Variants in LDLRAD4 observed in about 807,000 individuals in gnomAD.
LDLRAD4 encodes the protein low density lipoprotein receptor class A domain containing 4, also known as low-density lipoprotein receptor class A domain-containing protein 4.
In LDLRAD4, 5 loss-of-function variants were observed where a neutral mutation model predicts 17.0. The ratio of observed to expected loss-of-function variants is 0.29; its 90% CI spans 0.15 to 0.62. LDLRAD4 has a LOEUF of 0.62. Ranked by LOEUF, LDLRAD4 falls within the 20% of genes least tolerant of loss-of-function variation. LDLRAD4 has a pLI of 0.84. For missense variants in LDLRAD4, 340 were observed against 424.7 expected (o/e 0.80, Z 1.75); for synonymous variants, 168 against 171.8 (o/e 0.98, Z 0.17).
chr18:13,589,096 TTTTA>T (rs924485888), intron 3 of LDLRAD4, among the ~76,000 whole-genome samples: 3 of 151,824 alleles, frequency 2.0e-5, no homozygotes, highest in African/African-American at 7.3e-5. Context: ...GCCCAGCTAT[TTTTA>T]TTTGTTTATT....
intron 3 of LDLRAD4, among the ~76,000 whole-genome samples, chr18:13,541,423 C>T (rs2094281133): frequency 1.3e-5 from 2 of 152,160 alleles, no homozygotes. Flanking sequence ...AGCATTTGCT[C>T]ATATATGCAA....
intron 1 of LDLRAD4, among the ~76,000 whole-genome samples, chr18:13,336,154 G>A: frequency 6.6e-6 from 1 of 152,190 alleles, no homozygotes; most frequent in Non-Finnish European, 1.5e-5. Flanking sequence ...AACAGAGTGA[G>A]AACTCACTCA....
intron 3 of LDLRAD4, among the ~76,000 whole-genome samples, chr18:13,464,033 C>A (rs1206764633): frequency 6.6e-6 from 1 of 152,164 alleles, no homozygotes; most frequent in Non-Finnish European, 1.5e-5. Flanking sequence ...GCCCCATTTC[C>A]CTACCTAATG....
intron 3 of LDLRAD4, chr18:13,490,784 T>C (rs951843400): frequency 2.6e-5 from 4 of 152,208 alleles, no homozygotes; most frequent in African/African-American, 9.6e-5. Context: ...GCATGCAGCA[T>C]GGCCCATTCT....
chr18:13,534,799 T>C (rs1339144445), intron 3 of LDLRAD4, among the ~76,000 whole-genome samples: 6 of 152,192 alleles, frequency 3.9e-5, no homozygotes, highest in African/African-American at 1.4e-4. Flanking sequence ...CAGTCTTATC[T>C]CCCTGAAAAG....
At chr18:13,325,384 C>A (rs1049271124) in intron 1 of LDLRAD4, among the ~76,000 whole-genome samples, 2 of 152,192 alleles carry the variant, frequency 1.3e-5, no homozygotes. Context: ...GCAGAGTGCA[C>A]TAAGCCTTTG....
intron 3 of LDLRAD4, among the ~76,000 whole-genome samples, chr18:13,446,733 T>G (rs973755053): frequency 2.0e-5 from 3 of 152,216 alleles, no homozygotes; most frequent in Admixed American, 6.5e-5. Flanking sequence ...GGGGCGGCTC[T>G]GTTTCTGCCA....
intron 3 of LDLRAD4, chr18:13,614,796 T>C (rs1161824294): frequency 6.6e-6 from 1 of 152,136 alleles, no homozygotes; most frequent in Non-Finnish European, 1.5e-5. Flanking sequence ...TACCAGCCTT[T>C]AGGAACATTC....
At chr18:13,332,933 C>A (rs958752573) in intron 1 of LDLRAD4, among the ~76,000 whole-genome samples, 6 of 152,016 alleles carry the variant, frequency 3.9e-5, no homozygotes, top group Non-Finnish European at 5.9e-5. Context: ...TAAATACCAA[C>A]GAGCGCAATT....
At chr18:13,226,835 C>T (rs1480252443) in intron 1 of LDLRAD4, among the ~76,000 whole-genome samples, 3 of 152,156 alleles carry the variant, frequency 2.0e-5, no homozygotes, top group South Asian at 2.1e-4. Flanking sequence ...TTATAGGATA[C>T]GATGGGCATA....
upstream of LDLRAD4, among the ~76,000 whole-genome samples, chr18:13,276,663 C>G (rs1315313981): frequency 6.6e-6 from 1 of 152,224 alleles, no homozygotes; most frequent in Non-Finnish European, 1.5e-5. Flanking sequence ...CTCACAGGCC[C>G]CATCATGAGG....
intron 3 of LDLRAD4, among the ~76,000 whole-genome samples, chr18:13,474,958 C>T (rs8083180): frequency 0.35 from 53,220 of 151,886 alleles, 10,246 homozygotes; most frequent in Non-Finnish European, 0.43. Flanking sequence ...GTTTATGGGT[C>T]ATAGACAAAT....
chr18:13,284,722 G>C (rs1247567009), intron 1 of LDLRAD4, among the ~76,000 whole-genome samples: 4 of 152,130 alleles, frequency 2.6e-5, no homozygotes, highest in Non-Finnish European at 5.9e-5. Context: ...TGCGGTTTGG[G>C]GGGCAGTGCA....
Position 13,454,844 on chromosome 18 carries a change from CA to C in LDLRAD4, c.181+16461del, listed in dbSNP as rs1445239715. Among the ~76,000 whole-genome samples, 6 of 152,356 alleles carry C rather than the reference CA, an allele frequency of 3.9e-5. No individual in the cohort carries two copies. The South Asian group carries it at 1.2e-3, about 32-fold the overall frequency. On this transcript the variant is annotated intron_variant, in intron 3 of 5. Transcript: ENST00000359446. ...GTCATGTTGCCTTTGGAGATCAGAC[CA>C]CTCCAAGCCCTCAGCAGCAGCCTTG...
At chr18:13,294,837 A>G (rs2046181127) in intron 1 of LDLRAD4, among the ~76,000 whole-genome samples, 1 of 151,836 alleles carries the variant, frequency 6.6e-6, no homozygotes, top group South Asian at 2.1e-4. Context: ...AAAAAAAAAA[A>G]AAGTTGTCTT....
chr18:13,552,316 A>G (rs2094442676), intron 3 of LDLRAD4, among the ~76,000 whole-genome samples: 1 of 152,236 alleles, frequency 6.6e-6, no homozygotes, highest in South Asian at 2.1e-4. Context: ...ACAGATTGCT[A>G]CTGATGTCAT....
exon 6 of LDLRAD4, chr18:13,651,538 G>A (rs565905993): frequency 2.0e-5 from 3 of 152,266 alleles, no homozygotes; most frequent in Non-Finnish European, 2.9e-5. Context: ...TAGAAATTAC[G>A]TTTTGGATTG....
intron 3 of LDLRAD4, among the ~76,000 whole-genome samples, chr18:13,468,706 T>C (rs2092689999): frequency 6.6e-6 from 1 of 151,896 alleles, no homozygotes; most frequent in Non-Finnish European, 1.5e-5. Flanking sequence ...TGTAGGGACA[T>C]GGATGAAGCT....
intron 3 of LDLRAD4, chr18:13,543,538 TAA>T (rs1358093216): frequency 6.6e-6 from 1 of 152,262 alleles, no homozygotes; most frequent in Non-Finnish European, 1.5e-5. Context: ...AATTGAAGAA[TAA>T]TACCTTTCTC....
Sources: allele counts gnomAD v4.1 joint callset (sites outside exome capture counted in the v4.1 genomes callset), GRCh38; gene constraint gnomAD v4.1.1; transcripts MANE v1.5; gene names NCBI Gene and HGNC (gene_info 2026-07-23, HGNC 2026-07-21).